The following EXOC4 variants were observed in gnomAD, a reference collection of about 807,000 sequenced individuals.
EXOC4 encodes the protein SEC8-like 1.
Under a neutral mutation model 107.2 loss-of-function variants are expected in EXOC4, and 71 were observed. The ratio of observed to expected loss-of-function variants is 0.66; its 90% confidence interval spans 0.55 to 0.81. The LOEUF (loss-of-function observed/expected upper bound fraction) is 0.81, where lower values mean the gene tolerates loss of function less well. Ranked by LOEUF, EXOC4 falls within the 30% of genes least tolerant of loss-of-function variation. The pLI, the probability that EXOC4 is intolerant of heterozygous loss-of-function variation, is 0.00. For synonymous variants in EXOC4, 456 were observed against 441.2 expected (o/e 1.03, Z -0.42); for missense variants, 1,108 against 1,189.6 (o/e 0.93, Z 1.01).
rs554576343 is a variant in EXOC4 at position 133,261,288 on chromosome 7, A to G, written c.86+8101A>G. On this transcript the variant is annotated intron_variant, in intron 1 of 17. Transcript: ENST00000253861. ...GTTTTTTTTTTTTTTTCTTTTTGAG[A>G]CAGAGTCTAGCTCTCTTGCCCAGGC... 1.5e-3 allele frequency among the ~76,000 whole-genome samples: 216 copies of G among 140,034 alleles called. No homozygotes were observed. In the Middle Eastern group the frequency reaches 0.016, roughly 10 times the overall value. The allele number at this position is 140,034 out of a possible 152,430, so 91.9% of individuals were successfully genotyped here. A position where few individuals can be genotyped will look rare whatever the true frequency, so the allele number is the denominator to read the frequency against.
At position 133,610,974 on chromosome 7, in the gene EXOC4, G is replaced by A. The variant is rs539541354; in HGVS notation, c.1418-19071G>A. On this transcript the variant is annotated intron_variant, in intron 9 of 17. Coordinates refer to ENST00000253861, the MANE Select transcript of EXOC4 (RefSeq NM_021807.4). ...TCACAGGCATGCACCACGATTCCTG[G>A]CTGTTTTCTCTATTTTTTTTTTTTT... Among the ~76,000 whole-genome samples the A allele has an allele frequency of 3.1e-5, 4 of 131,074 alleles. No individual in the cohort carries two copies. The East Asian group carries it at 9.3e-4, about 30-fold the overall frequency. The allele number at this position is 131,074 out of a possible 152,430, so 86.0% of individuals were successfully genotyped here.
At chr7:133,444,132 A>G (rs1468565518) in intron 7 of EXOC4, among the ~76,000 whole-genome samples, 2 of 152,106 alleles carry the variant, frequency 1.3e-5, no homozygotes, top group African/African-American at 4.8e-5. Flanking sequence ...GTTCAGTCTG[A>G]GTGTTTCTTC....
At chr7:133,743,705 G>A (rs574287686) in intron 10 of EXOC4, among the ~76,000 whole-genome samples, 23 of 152,256 alleles carry the variant, frequency 1.5e-4, no homozygotes, top group African/African-American at 4.6e-4. Flanking sequence ...TGTTCTTTAT[G>A]GACATAATTG....
intron 6 of EXOC4, among the ~76,000 whole-genome samples, chr7:133,358,939 T>A (rs1176803118): frequency 6.6e-6 from 1 of 152,198 alleles, no homozygotes; most frequent in African/African-American, 2.4e-5. Flanking sequence ...CTGTTAAGTG[T>A]CTTTCGTTTG....
chr7:133,593,843 C>A (rs1801604365), intron 9 of EXOC4, among the ~76,000 whole-genome samples: 1 of 152,006 alleles, frequency 6.6e-6, no homozygotes, highest in African/African-American at 2.4e-5. Flanking sequence ...CAGAAGTAGA[C>A]CAGTTTTGTG....
intron 10 of EXOC4, among the ~76,000 whole-genome samples, chr7:133,646,423 A>G (rs1802994064): frequency 6.6e-6 from 1 of 152,170 alleles, no homozygotes. Flanking sequence ...TCTAAATACT[A>G]CTTATATCTC....
intron 9 of EXOC4, among the ~76,000 whole-genome samples, chr7:133,622,417 C>T (rs1802356350): frequency 6.6e-6 from 1 of 152,014 alleles, no homozygotes; most frequent in South Asian, 2.1e-4. Context: ...TTTTTGACAT[C>T]CAGGGAGCTC....
intron 10 of EXOC4, among the ~76,000 whole-genome samples, chr7:133,677,690 A>C (rs1794094650): frequency 6.6e-6 from 1 of 152,230 alleles, no homozygotes; most frequent in African/African-American, 2.4e-5. Flanking sequence ...CTACAAAGAT[A>C]AGTAAGAGCT....
intron 1 of EXOC4, among the ~76,000 whole-genome samples, chr7:133,270,036 G>T (rs1793830245): frequency 6.6e-6 from 1 of 152,156 alleles, no homozygotes. Context: ...CTCAGTAGGA[G>T]GTGATTGAAT....
At chr7:133,835,381 T>C (rs1286242137) in intron 11 of EXOC4, among the ~76,000 whole-genome samples, 1 of 152,198 alleles carries the variant, frequency 6.6e-6, no homozygotes, top group Non-Finnish European at 1.5e-5. Context: ...CGTCAATACA[T>C]GTAAGATGTA....
At chr7:133,542,512 G>A (rs1159100814) in intron 9 of EXOC4, among the ~76,000 whole-genome samples, 1 of 152,114 alleles carries the variant, frequency 6.6e-6, no homozygotes, top group African/African-American at 2.4e-5. Context: ...ACAGAAATGT[G>A]GAGAGAAAGT....
intron 17 of EXOC4, among the ~76,000 whole-genome samples, chr7:134,047,873 A>G (rs1413375941): frequency 1.3e-5 from 2 of 152,240 alleles, no homozygotes; most frequent in African/African-American, 2.4e-5. Flanking sequence ...AATAAAGACC[A>G]TGGCCTTGCG....
At chr7:133,410,167 G>A (rs1797324233) in intron 7 of EXOC4, among the ~76,000 whole-genome samples, 1 of 152,082 alleles carries the variant, frequency 6.6e-6, no homozygotes, top group South Asian at 2.1e-4. Context: ...TTATGTCTAT[G>A]AGCACCACAT....
chr7:133,956,626 C>G (rs961505766), intron 14 of EXOC4, among the ~76,000 whole-genome samples: 1 of 152,200 alleles, frequency 6.6e-6, no homozygotes. Flanking sequence ...GTGGTCCTTT[C>G]ATCTGGGCTG....
chr7:134,026,356 CTCTG>C (rs1427059638), intron 17 of EXOC4, among the ~76,000 whole-genome samples: 1 of 151,654 alleles, frequency 6.6e-6, no homozygotes, highest in African/African-American at 2.4e-5. Flanking sequence ...TCTTGATGGG[CTCTG>C]TCTATTTCTG....
intron 10 of EXOC4, among the ~76,000 whole-genome samples, chr7:133,663,979 A>G (rs1317789562): frequency 6.6e-6 from 1 of 152,132 alleles, no homozygotes; most frequent in African/African-American, 2.4e-5. Flanking sequence ...TGCATTTTCT[A>G]CAATCTTCTC....
chr7:133,480,598 T>C (rs2150859638), intron 9 of EXOC4: 1 of 239,326 alleles, frequency 4.2e-6, no homozygotes, highest in East Asian at 1.4e-4. Context: ...TCAATATAAC[T>C]GTGATGAACA....
rs1184773306 is a variant in EXOC4 at position 133,817,503 on chromosome 7, G to C, written c.1693G>C (p.Asp565His). The change falls in exon 11 of 18, where the codon GAC becomes CAC. Residue 565 changes from aspartate to histidine, a missense_variant. Coordinates refer to ENST00000253861, the MANE Select transcript of EXOC4 (RefSeq NM_021807.4). ...CCCTTTGAAGATTCTGGCCAACGCA[G>C]ACACCATGAAGGTGCTGGGAGTGCA... ...SDPLKILANA[D>H]TMKVLGVQRP... The C allele has an allele frequency of 1.2e-6, 2 of 1,614,020 alleles. No individual in the cohort carries two copies. Among genetic ancestry groups the C allele is most frequent in the Non-Finnish European group, 1.7e-6 (2 of 1,180,022 alleles).
chr7:133,410,389 A>AT lies in EXOC4; in HGVS notation c.1182+35395dup, dbSNP rs752705703. ...TGAGGAATGTATATCTGTGTGTGTG[A>AT]TTTTTTTTCTCCACCTGTGGCTCTG... On this transcript the variant is annotated intron_variant, in intron 7 of 17. Coordinates refer to ENST00000253861, the MANE Select transcript of EXOC4 (RefSeq NM_021807.4). 7.9e-5 allele frequency among the ~76,000 whole-genome samples: 12 copies of AT among 152,130 alleles called. No individual in the cohort carries two copies. The East Asian group carries it at 1.7e-3, about 22-fold the overall frequency.
Sources: allele counts gnomAD v4.1 joint callset (sites outside exome capture counted in the v4.1 genomes callset), GRCh38; gene constraint gnomAD v4.1.1; transcripts MANE v1.5; gene names NCBI Gene and HGNC (gene_info 2026-07-23, HGNC 2026-07-21).